SYAP1: variants seen among roughly 807,000 people sequenced by gnomAD.
The protein encoded by SYAP1 is synapse-associated protein 1.
In SYAP1, 3 loss-of-function variants were observed where a neutral mutation model predicts 29.6. That is an observed-to-expected ratio of 0.10 (90% CI 0.05 to 0.26). The LOEUF (loss-of-function observed/expected upper bound fraction) is 0.26. Ranked by LOEUF, SYAP1 falls within the 10% of genes least tolerant of loss-of-function variation. SYAP1 has a pLI of 1.00. For synonymous variants in SYAP1, 102 were observed against 102.7 expected (o/e 0.99, Z 0.04); for missense variants, 217 against 264.1 (o/e 0.82, Z 1.24).
intron 1 of SYAP1, among the ~76,000 whole-genome samples, chrX:16,728,131 C>A (rs1390944997): frequency 9.0e-6 from 1 of 111,640 alleles, no homozygotes; most frequent in Non-Finnish European, 1.9e-5. Flanking sequence ...TTCCTTGACT[C>A]TGAAAAGTAA....
At chrX:16,758,849 C>T (rs1385845228) in intron 8 of SYAP1, among the ~76,000 whole-genome samples, 1 of 110,079 alleles carries the variant, frequency 9.1e-6, no homozygotes, top group African/African-American at 3.3e-5. Context: ...ACGATTAAAG[C>T]ATTTCATTTT....
At chrX:16,721,230 A>G (rs1205187553) in intron 1 of SYAP1, among the ~76,000 whole-genome samples, 1 of 110,124 alleles carries the variant, frequency 9.1e-6, no homozygotes, top group African/African-American at 3.3e-5. Context: ...TGAGTAAGAA[A>G]GGGCCGAACA....
chrX:16,751,313 A>G (rs1258861503), intron 5 of SYAP1, among the ~76,000 whole-genome samples: 4 of 106,880 alleles, frequency 3.7e-5, no homozygotes, highest in Non-Finnish European at 5.8e-5. Flanking sequence ...TTAGCCAGGC[A>G]CGGTAGCACG....
chrX:16,728,572 G>A (rs1192285761), intron 1 of SYAP1, among the ~76,000 whole-genome samples: 1 of 110,365 alleles, frequency 9.1e-6, no homozygotes, highest in Admixed American at 9.7e-5. Context: ...GGCTGAGGCA[G>A]GAGAATCACT....
chrX:16,734,756 G>A (rs1926286468), intron 1 of SYAP1, among the ~76,000 whole-genome samples: 1 of 110,432 alleles, frequency 9.1e-6, no homozygotes, highest in Admixed American at 9.7e-5. Flanking sequence ...AGCACTTTGG[G>A]AGGCTGAGGC....
intron 1 of SYAP1, among the ~76,000 whole-genome samples, chrX:16,722,107 A>G (rs1299064661): frequency 1.8e-5 from 2 of 112,346 alleles, no homozygotes; most frequent in Non-Finnish European, 3.8e-5. Context: ...GATATTTTTT[A>G]TTTCTACATA....
At chrX:16,758,954 C>T (rs899300946) in intron 8 of SYAP1, among the ~76,000 whole-genome samples, 6 of 107,055 alleles carry the variant, frequency 5.6e-5, no homozygotes, top group African/African-American at 1.4e-4. Context: ...GAGGCTGAGG[C>T]GGGCGGATCA....
chrX:16,725,411 C>T (rs1449528201), intron 1 of SYAP1, among the ~76,000 whole-genome samples: 1 of 111,918 alleles, frequency 8.9e-6, no homozygotes, highest in African/African-American at 3.2e-5. Flanking sequence ...CTTTGGGAGG[C>T]CAAGGCGGGT....
At position 16,755,023 on chromosome X, in the gene SYAP1, G is replaced by T; in HGVS notation, c.654G>T (p.Leu218=). The stretch of plus-strand genomic sequence containing the variant: ...AGCAGTCAGCCCAGCTCACGGCCCT[G>T]GCTGCCCAACAGCAGGCCGCAGGGA... The part of the protein sequence containing the change: ...LIKQSAQLTA[L]AAQQQAAGKE... The change falls in exon 6 of 9, where the codon CTG becomes CTT. Residue 218 remains leucine, a synonymous_variant. Transcript: ENST00000380155. 1 of 1,211,316 alleles carries T rather than the reference G, an allele frequency of 8.3e-7. No homozygotes were observed.
chrX:16,759,152 A>C (rs1926922535), intron 8 of SYAP1, among the ~76,000 whole-genome samples: 2 of 106,428 alleles, frequency 1.9e-5, no homozygotes, highest in Admixed American at 1.0e-4. Context: ...AGATCATGCC[A>C]CTGCACTGCA....
chrX:16,760,205 C>T lies in SYAP1; in HGVS notation c.932-27C>T, dbSNP rs369636932. ...CCAGCATTATGAATTCAGAGAGAAT[C>T]TTTTTCTTCTCCTTTGTTTCTTTTA... On this transcript the variant is annotated intron_variant, in intron 8 of 8. Coordinates refer to ENST00000380155, the MANE Select transcript of SYAP1 (RefSeq NM_032796.4). The T allele has an allele frequency of 1.4e-5, 16 of 1,151,126 alleles. No homozygotes were observed. In the African/African-American group the frequency reaches 3.0e-4, roughly 21 times the overall value. 94.9% of individuals were successfully genotyped at this position (1,151,126 alleles called of 1,213,427 possible). A position where few individuals can be genotyped will look rare whatever the true frequency, so the allele number is the denominator to read the frequency against.
Position 16,741,796 on chromosome X carries a change from A to T in SYAP1, c.435+7A>T. 8.6e-7 allele frequency: 1 copy of T among 1,158,011 alleles called. No individual in the cohort carries two copies. The highest frequency in any genetic ancestry group is 1.2e-6 in the Non-Finnish European group (1 of 849,987). On this transcript the variant is annotated splice_region_variant and intron_variant, in intron 4 of 8. Transcript: ENST00000380155. The stretch of plus-strand genomic sequence containing the variant: ...AATTTTGGCCTTATCAGCTGTAAGT[A>T]TCTTGTGGTACCCCAGATAGAACAT...
chrX:16,719,632 T>C lies in SYAP1; in HGVS notation c.-93T>C. 5 of 1,023,949 alleles carry C rather than the reference T, an allele frequency of 4.9e-6. No homozygotes were observed. The highest frequency in any genetic ancestry group is 6.4e-6 in the Non-Finnish European group (5 of 778,619). 84.4% of individuals were successfully genotyped at this position (1,023,949 alleles called of 1,213,427 possible). A position where few individuals can be genotyped will look rare whatever the true frequency, so the allele number is the denominator to read the frequency against. ...GCGGTGTTCCTCCGACTTCCGGACA[T>C]CTCCCTGGGAGTCGCGCAGAGTGGA... On this transcript the variant is annotated 5_prime_UTR_variant, in exon 1 of 9. Transcript: ENST00000380155.
intron 6 of SYAP1, among the ~76,000 whole-genome samples, chrX:16,755,772 T>C (rs1037161543): frequency 8.9e-6 from 1 of 112,269 alleles, no homozygotes; most frequent in African/African-American, 3.2e-5. Context: ...GTTTGAAATC[T>C]GTAATAATTA....
chrX:16,757,908 AAATAAT>A (rs749499003), intron 8 of SYAP1, among the ~76,000 whole-genome samples: 3 of 108,382 alleles, frequency 2.8e-5, no homozygotes, highest in Non-Finnish European at 3.8e-5. Flanking sequence ...CTTCATCTCA[AAATAAT>A]AATAATAATA....
chrX:16,722,546 AT>A (rs1925988957), intron 1 of SYAP1, among the ~76,000 whole-genome samples: 1 of 109,848 alleles, frequency 9.1e-6, no homozygotes, highest in African/African-American at 3.3e-5. Context: ...AAAAAAAAAA[AT>A]CTCCTGGGAG....
chrX:16,724,921 C>T (rs1350861601), intron 1 of SYAP1, among the ~76,000 whole-genome samples: 1 of 111,776 alleles, frequency 8.9e-6, no homozygotes, highest in Non-Finnish European at 1.9e-5. Context: ...AAGATTCATT[C>T]TCTGGGGCTG....
intron 8 of SYAP1, among the ~76,000 whole-genome samples, chrX:16,758,695 G>A (rs1049086476): frequency 1.5e-4 from 16 of 109,913 alleles, no homozygotes; most frequent in Non-Finnish European, 2.8e-4. Flanking sequence ...AGATCCCCAA[G>A]GGCAGTTACA....
In SYAP1 at chrX:16,732,929, TAG is replaced by T. The variant is rs776567131; in HGVS notation, c.176-2295_176-2294del. Among the ~76,000 whole-genome samples the T allele has an allele frequency of 2.7e-5, 3 of 111,915 alleles. No individual in the cohort carries two copies. The East Asian group carries it at 8.5e-4, about 32-fold the overall frequency. ...GAGAAGACATTCACCAAGTAATCGG[TAG>T]AGTGTTTTGAAGATTGTTGATCAGG... is the stretch of plus-strand genomic sequence containing the variant. On this transcript the variant is annotated intron_variant, in intron 1 of 8. Transcript: ENST00000380155.
Sources: allele counts gnomAD v4.1 joint callset (sites outside exome capture counted in the v4.1 genomes callset), GRCh38; gene constraint gnomAD v4.1.1; transcripts MANE v1.5; gene names NCBI Gene and HGNC (gene_info 2026-07-23, HGNC 2026-07-21).